The following CBLB variants were observed in gnomAD, a reference collection of about 807,000 sequenced individuals.
The protein encoded by CBLB is Cbl proto-oncogene B.
CBLB carries 31 observed loss-of-function variants against 104.9 expected under a neutral mutation model. The ratio of observed to expected loss-of-function variants is 0.30; its 90% CI spans 0.22 to 0.40. CBLB has a LOEUF of 0.40. Among genes scored for constraint, CBLB ranks in the 10% least tolerant of loss-of-function variants. The pLI, the probability that CBLB is intolerant of heterozygous loss-of-function variation, is 1.00. For synonymous variants in CBLB, 440 were observed against 422.6 expected, an observed-to-expected ratio of 1.04 and a Z score of -0.51; for missense variants, 1,062 against 1,214.6, an observed-to-expected ratio of 0.87 and a Z score of 1.87.
chr3:105,834,113 T>C (rs948337438), intron 3 of CBLB, among the ~76,000 whole-genome samples: 1 of 151,964 alleles, frequency 6.6e-6, no homozygotes, highest in African/African-American at 2.4e-5. Context: ...AGGCAGTGGA[T>C]GAAGAGCTAT....
chr3:105,664,119 T>C (rs965014472), intron 18 of CBLB, among the ~76,000 whole-genome samples: 2 of 152,146 alleles, frequency 1.3e-5, no homozygotes, highest in African/African-American at 4.8e-5. Context: ...TTCTGAAAGA[T>C]GTGTCTAATA....
chr3:105,680,599 T>C (rs2066197583), intron 16 of CBLB, among the ~76,000 whole-genome samples: 1 of 152,202 alleles, frequency 6.6e-6, no homozygotes, highest in African/African-American at 2.4e-5. Flanking sequence ...AATAAAGTCC[T>C]GAACTACAGA....
At chr3:105,702,026 T>G (rs2069198855) in intron 12 of CBLB, 68 bp downstream of exon 12, 1 of 1,592,684 alleles carries the variant, frequency 6.3e-7, no homozygotes. Flanking sequence ...TTCCCAACCT[T>G]TTATGCTACT....
intron 7 of CBLB, among the ~76,000 whole-genome samples, chr3:105,739,510 A>G (rs1264954814): frequency 6.6e-6 from 1 of 152,182 alleles, no homozygotes; most frequent in East Asian, 1.9e-4. Context: ...AATAAAACAA[A>G]TAAGAAGAAT....
intron 3 of CBLB, among the ~76,000 whole-genome samples, chr3:105,804,652 A>G (rs2083292495): frequency 6.6e-6 from 1 of 152,028 alleles, no homozygotes; most frequent in Non-Finnish European, 1.5e-5. Flanking sequence ...TTTTTATGTT[A>G]ATATTAACAT....
intron 3 of CBLB, among the ~76,000 whole-genome samples, chr3:105,790,116 A>G (rs2081473510): frequency 6.6e-6 from 1 of 152,242 alleles, no homozygotes; most frequent in Admixed American, 6.5e-5. Context: ...CTCTGAAGAT[A>G]CTGATTATTT....
At chr3:105,751,991 A>G (rs2076632623) in intron 4 of CBLB, among the ~76,000 whole-genome samples, 1 of 152,184 alleles carries the variant, frequency 6.6e-6, no homozygotes, top group African/African-American at 2.4e-5. Flanking sequence ...TTTTCTAAAA[A>G]CAGTCATAAG....
chr3:105,818,334 TA>T (rs1262893160), intron 3 of CBLB, among the ~76,000 whole-genome samples: 1 of 152,106 alleles, frequency 6.6e-6, no homozygotes, highest in Non-Finnish European at 1.5e-5. Flanking sequence ...TCCACACTGA[TA>T]AAAAGAAGGC....
chr3:105,667,925 C>T (rs1311543990), intron 18 of CBLB, among the ~76,000 whole-genome samples: 7 of 152,028 alleles, frequency 4.6e-5, no homozygotes, highest in Non-Finnish European at 1.0e-4. Flanking sequence ...ATCCTAAAGG[C>T]GCATATGCAT....
chr3:105,665,406 TAAATAA>T (rs1199532510), intron 18 of CBLB, among the ~76,000 whole-genome samples: 11,487 of 85,158 alleles, frequency 0.13, 683 homozygotes, highest in East Asian at 0.2. Context: ...AATAAATAAA[TAAATAA>T]ATAAATATAT....
intron 10 of CBLB, among the ~76,000 whole-genome samples, chr3:105,709,714 C>T (rs1327149875): frequency 3.3e-5 from 5 of 151,842 alleles, no homozygotes; most frequent in Non-Finnish European, 7.4e-5. Flanking sequence ...AAATCTTTAA[C>T]CATATATGTG....
At chr3:105,862,882 T>A (rs977620860) in intron 2 of CBLB, among the ~76,000 whole-genome samples, 25 of 152,046 alleles carry the variant, frequency 1.6e-4, no homozygotes, top group South Asian at 8.3e-4. Context: ...CTACACCAAC[T>A]TTTCACCCTT....
Position 105,840,650 on chromosome 3 carries a change from T to A in CBLB, c.419+12764A>T, listed in dbSNP as rs149268956. On this transcript the variant is annotated intron_variant, in intron 3 of 18. Transcript: ENST00000394030. Reference sequence around the variant, plus strand: ...AATATTACATGCACACCCCAGTGTGTCAAGTCATGTAACCTCCAATCTATT... The same window carrying A: ...AATATTACATGCACACCCCAGTGTGACAAGTCATGTAACCTCCAATCTATT... Among the ~76,000 whole-genome samples the A allele has an allele frequency of 2.0e-5, 3 of 152,182 alleles. No homozygotes were observed. The East Asian group carries it at 5.8e-4, about 29-fold the overall frequency.
intron 9 of CBLB, among the ~76,000 whole-genome samples, chr3:105,727,453 T>C (rs1214595696): frequency 6.6e-6 from 1 of 152,202 alleles, no homozygotes; most frequent in East Asian, 1.9e-4. Context: ...GTTAGCCCTT[T>C]GTCAGATGGA....
At chr3:105,712,002 C>T (rs1194191461) in intron 10 of CBLB, among the ~76,000 whole-genome samples, 2 of 151,988 alleles carry the variant, frequency 1.3e-5, no homozygotes, top group Non-Finnish European at 2.9e-5. Flanking sequence ...ATAAAGTTGC[C>T]GACAGGTCTC....
At chr3:105,834,067 T>C (rs1255992467) in intron 3 of CBLB, among the ~76,000 whole-genome samples, 1 of 140,062 alleles carries the variant, frequency 7.1e-6, no homozygotes, top group East Asian at 2.1e-4. Context: ...AAAAAATATA[T>C]CAATCACAAT....
chr3:105,737,816 C>CA (rs1481827021), intron 7 of CBLB, among the ~76,000 whole-genome samples: 1 of 152,164 alleles, frequency 6.6e-6, no homozygotes, highest in Non-Finnish European at 1.5e-5. Flanking sequence ...TGCAAACACA[C>CA]AGACACACAG....
At chr3:105,855,280 A>C (rs2091455751) in intron 2 of CBLB, among the ~76,000 whole-genome samples, 1 of 152,198 alleles carries the variant, frequency 6.6e-6, no homozygotes, top group Admixed American at 6.5e-5. Context: ...AATGGAGAGA[A>C]GAAGGTCAAA....
chr3:105,723,273 C>T (rs901614165), intron 9 of CBLB, among the ~76,000 whole-genome samples: 4 of 152,090 alleles, frequency 2.6e-5, no homozygotes, highest in African/African-American at 4.8e-5. Context: ...ATACTTAATG[C>T]AAGATCAAAT....
Sources: allele counts gnomAD v4.1 joint callset (sites outside exome capture counted in the v4.1 genomes callset), GRCh38; gene constraint gnomAD v4.1.1; transcripts MANE v1.5; gene names NCBI Gene and HGNC (gene_info 2026-07-23, HGNC 2026-07-21).